SENP2: variants seen among roughly 807,000 people sequenced by gnomAD.
The protein encoded by SENP2 is sentrin-specific protease 2.
A neutral mutation model predicts 86.3 loss-of-function variants in SENP2; 16 were observed. The observed-to-expected ratio is 0.19, with a 90% confidence interval of 0.13 to 0.28. SENP2 has a LOEUF of 0.28. Among genes scored for constraint, SENP2 ranks in the 10% least tolerant of loss-of-function variants. The pLI is 1.00. For synonymous variants in SENP2, 222 were observed against 238.7 expected, an observed-to-expected ratio of 0.93 and a Z score of 0.64; for missense variants, 552 against 703.0, an observed-to-expected ratio of 0.79 and a Z score of 2.43.
chr3:185,609,235 T>G lies in SENP2; in HGVS notation c.619-12T>G, dbSNP rs757589747. 1.9e-6 allele frequency: 3 copies of G among 1,588,238 alleles called. No homozygotes were observed. The highest frequency in any genetic ancestry group is 8.6e-7 in the Non-Finnish European group (1 of 1,158,032). ...GTGCTGGTACTTATCTAACATGCTT[T>G]CTTTTATTTAGGGTGTTCAAAAAGA... On this transcript the variant is annotated splice_polypyrimidine_tract_variant and intron_variant, in intron 6 of 16. Transcript: ENST00000296257.
rs748480748 is a variant in SENP2, at chr3:185,617,492, G to A, written c.1123G>A (p.Glu375Lys). 3.1e-6 allele frequency: 5 copies of A among 1,607,744 alleles called. No individual in the cohort carries two copies. ...LLELTEDMEK[E>K]ISNALGHGPQ... The stretch of plus-strand genomic sequence containing the variant: ...CTTTCTAATTCAGGACATGGAAAAG[G>A]AAATCAGTAATGCCCTAGGCCATGG... Residue 375 changes from glutamate (E) to lysine (K), a missense_variant, in exon 12 of 17, where the codon GAA (glutamate) becomes AAA (lysine). Glu to Lys is a moderately conservative substitution (Grantham distance 56). This residue lies in a region of SENP2 where 169 missense variants were observed against 275.7 expected (regional missense o/e 0.61). Coordinates refer to ENST00000296257, the MANE Select transcript of SENP2 (RefSeq NM_021627.3).
chr3:185,621,391 T>TC (rs1235670492), intron 13 of SENP2, among the ~76,000 whole-genome samples: 6 of 120,496 alleles, frequency 5.0e-5, no homozygotes, highest in South Asian at 3.9e-4. Flanking sequence ...TTTTTCTTTT[T>TC]TTTTTTTTTT....
At chr3:185,623,691 G>A (rs1297824598) in intron 14 of SENP2, among the ~76,000 whole-genome samples, 3 of 151,804 alleles carry the variant, frequency 2.0e-5, no homozygotes, top group African/African-American at 7.3e-5. Context: ...GCAGGGCGTG[G>A]TGGCGTGCTC....
At chr3:185,627,830 C>A (rs1013052666) in intron 16 of SENP2, among the ~76,000 whole-genome samples, 1 of 152,160 alleles carries the variant, frequency 6.6e-6, no homozygotes, top group Admixed American at 6.5e-5. Flanking sequence ...TGAGGACAAC[C>A]TCATTAAAGA....
intron 15 of SENP2, 97 bp downstream of exon 15, chr3:185,624,179 C>T: frequency 1.3e-6 from 1 of 741,280 alleles, no homozygotes; most frequent in Non-Finnish European, 2.2e-6. Flanking sequence ...TCCCTCCCTG[C>T]ATGCTTTTAA....
At position 185,614,667 on chromosome 3, in the gene SENP2, T is replaced by A. The variant is rs1010098716; in HGVS notation, c.1037T>A (p.Ile346Asn). 5.6e-6 allele frequency: 9 copies of A among 1,614,074 alleles called. No homozygotes were observed. In the African/African-American group the frequency reaches 1.2e-4, roughly 22 times the overall value. Residue 346 changes from isoleucine (I) to asparagine (N), a missense_variant, in exon 11 of 17, where the codon ATT (isoleucine) becomes AAT (asparagine). By Grantham distance (149) the Ile-to-Asn change is moderately radical. Transcript: ENST00000296257. ...TTACTCAGGAGGAAAGTGTCAATAA[T>A]TGAGACAAAGGAAAAGAATTGCTCA... ...NGLLRRKVSI[I>N]ETKEKNCSGK...
chr3:185,609,292 C>G lies in SENP2; in HGVS notation c.664C>G (p.Arg222Gly), dbSNP rs1159151916. ...AGAGAAGTACCGAAAGTTATTGGAA[C>G]GACTTAAAGAAAGTGGTCATGGAAA... Reference protein sequence around the residue: ...EREKYRKLLERLKESGHGNSV... With the variant: ...EREKYRKLLEGLKESGHGNSV... Residue 222 changes from arginine to glycine, a missense_variant, in exon 7 of 17, where the codon CGA becomes GGA. Coordinates refer to ENST00000296257, the MANE Select transcript of SENP2 (RefSeq NM_021627.3). 5 of 1,613,688 alleles carry G rather than the reference C, an allele frequency of 3.1e-6. No individual in the cohort carries two copies. The highest frequency in any genetic ancestry group is 4.2e-6 in the Non-Finnish European group (5 of 1,179,790).
chr3:185,586,598 G>A lies in SENP2; in HGVS notation c.101+84G>A, dbSNP rs1382694574. On this transcript the variant is annotated intron_variant, in intron 1 of 16. Transcript: ENST00000296257. The surrounding 1 kb of genome is among the most constrained non-coding windows in gnomAD (Gnocchi z 4.3). ...CCTCGGCCGTGATAGCTTTGATTCA[G>A]CCAGGCTCACCCGAAACAGGTCGCC... 8.9e-6 allele frequency: 12 copies of A among 1,348,266 alleles called. No homozygotes were observed. Among genetic ancestry groups the A allele is most frequent in the Non-Finnish European group, 1.0e-5 (10 of 956,878 alleles). 83.5% of individuals were successfully genotyped at this position (1,348,266 alleles called of 1,614,324 possible). A position where few individuals can be genotyped will look rare whatever the true frequency, so the allele number is the denominator to read the frequency against.
At chr3:185,627,633 G>A (rs560330667) in intron 16 of SENP2, among the ~76,000 whole-genome samples, 10 of 152,038 alleles carry the variant, frequency 6.6e-5, no homozygotes, top group Non-Finnish European at 1.3e-4. Context: ...GGCTGGTCTC[G>A]AACTCCTGAC....
chr3:185,611,977 TA>T (rs2148989860), intron 8 of SENP2, among the ~76,000 whole-genome samples: 1 of 152,198 alleles, frequency 6.6e-6, no homozygotes, highest in African/African-American at 2.4e-5. Context: ...GCGAACATGG[TA>T]AAACCCCATC....
At chr3:185,609,552 A>G (rs1380953046) in intron 7 of SENP2, among the ~76,000 whole-genome samples, 5 of 152,086 alleles carry the variant, frequency 3.3e-5, no homozygotes, top group Non-Finnish European at 1.5e-5. Context: ...TACCTTTAGG[A>G]CCTTTTGTTC....
At chr3:185,587,236 G>A (rs1400363468) in intron 1 of SENP2, among the ~76,000 whole-genome samples, 1 of 151,816 alleles carries the variant, frequency 6.6e-6, no homozygotes, top group African/African-American at 2.4e-5. Flanking sequence ...GGGTTCAAGC[G>A]ATTCCCCTGC....
chr3:185,599,712 A>T (rs948173410), intron 4 of SENP2, among the ~76,000 whole-genome samples: 2 of 152,190 alleles, frequency 1.3e-5, no homozygotes, highest in African/African-American at 4.8e-5. Flanking sequence ...AAACTGTTTT[A>T]AAAAGTACCT....
intron 16 of SENP2, among the ~76,000 whole-genome samples, chr3:185,629,211 C>T (rs1712299141): frequency 6.6e-6 from 1 of 152,188 alleles, no homozygotes; most frequent in Non-Finnish European, 1.5e-5. Context: ...TGGATATTTG[C>T]AGGACTGTGA....
intron 2 of SENP2, among the ~76,000 whole-genome samples, chr3:185,592,730 C>T (rs1469876713): frequency 6.6e-6 from 1 of 152,000 alleles, no homozygotes; most frequent in East Asian, 1.9e-4. Flanking sequence ...GATTCCCCTG[C>T]CTCAGCTTCC....
In SENP2 at chr3:185,586,552, C is replaced by T; in HGVS notation, c.101+38C>T. ...GGGGCTGAGCGCCAGCCTGGCCTTA[C>T]CCCCTCCCCCACAGCGGGCTCCTCG... On this transcript the variant is annotated intron_variant, in intron 1 of 16. Transcript: ENST00000296257. The surrounding 1 kb of genome is among the most constrained non-coding windows in gnomAD (Gnocchi z 4.3). The T allele has an allele frequency of 7.0e-6, 11 of 1,574,474 alleles. No homozygotes were observed. Among genetic ancestry groups the T allele is most frequent in the South Asian group, 1.1e-5 (1 of 90,452 alleles).
intron 13 of SENP2, among the ~76,000 whole-genome samples, chr3:185,620,982 A>T (rs546846053): frequency 6.6e-6 from 1 of 151,410 alleles, no homozygotes; most frequent in African/African-American, 2.4e-5. Context: ...ATACAAATTT[A>T]AAAATTTGCT....
intron 13 of SENP2, 143 bp from the exon 14 acceptor site, chr3:185,621,683 T>C (rs535867296): frequency 2.0e-6 from 1 of 494,122 alleles, no homozygotes. Flanking sequence ...CCACCATGCA[T>C]GGCCCATAAA....
chr3:185,593,946 C>A (rs1457681341), intron 2 of SENP2, among the ~76,000 whole-genome samples: 1 of 151,906 alleles, frequency 6.6e-6, no homozygotes, highest in Non-Finnish European at 1.5e-5. Context: ...CCAGACTGGT[C>A]TCGAATTCCT....
Sources: gnomAD v4.1 joint callset for allele counts (sites outside exome capture counted in the v4.1 genomes callset) on GRCh38, gnomAD v4.1.1 for gene constraint, gnomAD v4.1.1 regional missense constraint, Gnocchi (gnomAD v3.1) non-coding constraint, MANE v1.5 for transcripts, NCBI Gene and HGNC (gene_info 2026-07-23, HGNC 2026-07-21) for gene names.